Variants in NTM observed in about 807,000 individuals in gnomAD.
NTM encodes neurotrimin, also known as IgLON family member 2.
Under a neutral mutation model 42.1 loss-of-function variants are expected in NTM, and 13 were observed. That is an observed-to-expected ratio of 0.31 (90% CI 0.20 to 0.49). NTM has a LOEUF of 0.49. Ranked by LOEUF, NTM falls within the 20% of genes least tolerant of loss-of-function variation. The pLI is 0.99. For missense variants in NTM, 373 were observed against 452.8 expected (o/e 0.82, Z 1.60); for synonymous variants, 187 against 179.2 (o/e 1.04, Z -0.35).
At chr11:132,042,561 G>A (rs1036564194) in intron 2 of NTM, among the ~76,000 whole-genome samples, 1 of 152,168 alleles carries the variant, frequency 6.6e-6, no homozygotes, top group Non-Finnish European at 1.5e-5. Context: ...CAGTGAAAAG[G>A]CTCTCGCTGT....
At chr11:132,321,859 G>A (rs1229985083) in intron 7 of NTM, among the ~76,000 whole-genome samples, 2 of 149,548 alleles carry the variant, frequency 1.3e-5, no homozygotes, top group African/African-American at 2.5e-5. Flanking sequence ...CCAGAAGAGA[G>A]TGGGGGCCAA....
intron 7 of NTM, chr11:132,317,528 T>TTA (rs1565466628): frequency 2.5e-6 from 1 of 400,998 alleles, no homozygotes; most frequent in African/African-American, 2.1e-5. Flanking sequence ...TCCTTTTTTT[T>TTA]ATATAATCCC....
chr11:131,607,243 G>A (rs768480403), intron 1 of NTM, among the ~76,000 whole-genome samples: 3 of 152,182 alleles, frequency 2.0e-5, no homozygotes, highest in Non-Finnish European at 2.9e-5. Flanking sequence ...GGGTGACTCA[G>A]GAGGCCTGAA....
At chr11:132,100,136 C>A (rs183343635) in intron 2 of NTM, among the ~76,000 whole-genome samples, 88 of 152,324 alleles carry the variant, frequency 5.8e-4, no homozygotes, top group African/African-American at 1.9e-3. Flanking sequence ...CATTTCTCTG[C>A]CTATATTTGC....
intron 4 of NTM, among the ~76,000 whole-genome samples, chr11:132,227,123 G>A (rs1407842149): frequency 1.3e-5 from 2 of 152,150 alleles, no homozygotes; most frequent in Non-Finnish European, 2.9e-5. Context: ...CAGCTTTGTA[G>A]GCCAGGAACA....
At chr11:131,839,109 C>T (rs1284466724) in intron 1 of NTM, among the ~76,000 whole-genome samples, 1 of 152,078 alleles carries the variant, frequency 6.6e-6, no homozygotes, top group Middle Eastern at 3.4e-3. Context: ...TACAGGTGCA[C>T]ACCACCACAC....
intron 4 of NTM, among the ~76,000 whole-genome samples, chr11:132,234,958 A>G (rs2088489611): frequency 6.6e-6 from 1 of 152,248 alleles, no homozygotes; most frequent in Non-Finnish European, 1.5e-5. Context: ...ACAGATATTG[A>G]ATTAAATCAG....
At chr11:132,007,538 C>G (rs1654588078) in intron 2 of NTM, among the ~76,000 whole-genome samples, 1 of 152,148 alleles carries the variant, frequency 6.6e-6, no homozygotes, top group African/African-American at 2.4e-5. Flanking sequence ...TTCTGATGCT[C>G]TCTTTTGTTG....
chr11:131,582,359 C>T (rs2058482655), intron 1 of NTM: 1 of 152,220 alleles, frequency 6.6e-6, no homozygotes, highest in South Asian at 2.1e-4. Context: ...CTGGGCCCTC[C>T]CCCTTCCAGA....
At chr11:131,715,146 G>A (rs1408035840) in intron 1 of NTM, among the ~76,000 whole-genome samples, 3 of 152,188 alleles carry the variant, frequency 2.0e-5, no homozygotes, top group Admixed American at 6.5e-5. Context: ...GGCCACCTCA[G>A]ATATGGTGGC....
At chr11:131,789,327 G>A (rs1470377547) in intron 1 of NTM, among the ~76,000 whole-genome samples, 1 of 143,866 alleles carries the variant, frequency 7.0e-6, no homozygotes, top group East Asian at 2.0e-4. Flanking sequence ...TAGAGATGCT[G>A]AAGATGACAA....
At chr11:131,502,880 C>T (rs1056935652) in intron 1 of NTM, 2 of 152,216 alleles carry the variant, frequency 1.3e-5, no homozygotes, top group African/African-American at 2.4e-5. Context: ...TGAGATCAAC[C>T]TTGGCTTTGG....
chr11:132,330,140 T>G lies in NTM; in HGVS notation c.935-13T>G. ...TTCGACCTTAACAGTGGCTTGTTTT[T>G]AATTTCTTTTAGAAGTGAAAACTAC... On this transcript the variant is annotated splice_polypyrimidine_tract_variant and intron_variant, in intron 7 of 8. Coordinates refer to ENST00000683400, the MANE Select transcript of NTM (RefSeq NM_001352005.2). 1 of 1,551,740 alleles carries G rather than the reference T, an allele frequency of 6.4e-7. No homozygotes were observed. The highest frequency in any genetic ancestry group is 1.7e-4 in the Middle Eastern group (1 of 5,990).
intron 7 of NTM, among the ~76,000 whole-genome samples, chr11:132,329,823 G>A (rs1450151779): frequency 6.6e-6 from 1 of 152,208 alleles, no homozygotes; most frequent in Non-Finnish European, 1.5e-5. Context: ...GGTGTCTCAG[G>A]CTCCAAAGGT....
At chr11:131,639,495 C>T (rs989462723) in intron 1 of NTM, among the ~76,000 whole-genome samples, 4 of 152,218 alleles carry the variant, frequency 2.6e-5, no homozygotes, top group Non-Finnish European at 5.9e-5. Flanking sequence ...GACATCCTAC[C>T]TCGTAGGTCA....
intron 4 of NTM, among the ~76,000 whole-genome samples, chr11:132,223,442 C>T (rs575734227): frequency 5.3e-5 from 8 of 152,188 alleles, no homozygotes; most frequent in African/African-American, 9.6e-5. Context: ...TTGCATAGCT[C>T]GGCAGGAGTA....
At chr11:131,510,503 G>C (rs956239867) in intron 1 of NTM, among the ~76,000 whole-genome samples, 2 of 152,156 alleles carry the variant, frequency 1.3e-5, no homozygotes, top group Non-Finnish European at 2.9e-5. Context: ...TTCAAATCCA[G>C]CTCCAACTCT....
At position 132,320,173 on chromosome 11, in the gene NTM, G is replaced by A. The variant is rs531903519; in HGVS notation, c.934+5470G>A. On this transcript the variant is annotated intron_variant, in intron 7 of 8. Coordinates refer to ENST00000683400, the MANE Select transcript of NTM (RefSeq NM_001352005.2). ...AAACCACAAAGATGGGATAAAAGCC[G>A]CAAGATGGCTGAATAGGAACAGCTC... Among the ~76,000 whole-genome samples, 30 of 152,312 alleles carry A rather than the reference G, an allele frequency of 2.0e-4. No homozygotes were observed. The South Asian group carries it at 2.3e-3, about 12-fold the overall frequency.
At chr11:132,271,362 T>C (rs2093466990) in intron 4 of NTM, among the ~76,000 whole-genome samples, 1 of 151,692 alleles carries the variant, frequency 6.6e-6, no homozygotes, top group Non-Finnish European at 1.5e-5. Flanking sequence ...TGAACATTCA[T>C]GTACAAGTTT....
Sources: allele counts gnomAD v4.1 joint callset (sites outside exome capture counted in the v4.1 genomes callset), GRCh38; gene constraint gnomAD v4.1.1; transcripts MANE v1.5; gene names NCBI Gene and HGNC (gene_info 2026-07-23, HGNC 2026-07-21).